The following PLXNA4 variants were observed in gnomAD, a reference collection of about 807,000 sequenced individuals.
The protein encoded by PLXNA4 is plexin-A4.
PLXNA4 carries 44 observed loss-of-function variants against 191.8 expected under a neutral mutation model. The observed-to-expected ratio is 0.23, with a 90% confidence interval of 0.18 to 0.29. The LOEUF (loss-of-function observed/expected upper bound fraction) is 0.29, where lower values mean the gene tolerates loss of function less well. PLXNA4 is among the 10% of genes least tolerant of loss of function. PLXNA4 has a pLI of 1.00. For missense variants in PLXNA4, 1,800 were observed against 2,488.8 expected (o/e 0.72, Z 5.89); for synonymous variants, 1,082 against 1,009.5 (o/e 1.07, Z -1.36).
At chr7:132,283,275 C>G (rs564246136) in intron 4 of PLXNA4, among the ~76,000 whole-genome samples, 1 of 152,278 alleles carries the variant, frequency 6.6e-6, no homozygotes, top group South Asian at 2.1e-4. Flanking sequence ...TACATGAATT[C>G]CTGTTGAGAA....
chr7:132,511,150 C>A (rs965241587), intron 1 of PLXNA4, among the ~76,000 whole-genome samples: 6 of 152,266 alleles, frequency 3.9e-5, no homozygotes, highest in Middle Eastern at 3.4e-3. Flanking sequence ...TCTTGACTGG[C>A]AGAAAGAGGG....
chr7:132,156,131 G>GAC (rs1224544237), intron 25 of PLXNA4, among the ~76,000 whole-genome samples: 13 of 74,564 alleles, frequency 1.7e-4, no homozygotes, highest in East Asian at 1.3e-3. Flanking sequence ...TCTGTTTCTG[G>GAC]ACATACACAC....
At position 132,288,217 on chromosome 7, in the gene PLXNA4, G is replaced by T. The variant is rs1009779521; in HGVS notation, c.1503+9874C>A. 3.4e-4 allele frequency among the ~76,000 whole-genome samples: 51 copies of T among 152,174 alleles called. 2 individuals are homozygous for T. The highest frequency in any genetic ancestry group is 1.2e-3 in the African/African-American group (51 of 41,448). ...ACACTGATCACAAAGTGCAGTAGGA[G>T]CGTGTTGCGCCAGATAAGCCAGTAG... On this transcript the variant is annotated intron_variant, in intron 4 of 31. Coordinates refer to ENST00000321063, the MANE Select transcript of PLXNA4 (RefSeq NM_020911.2).
chr7:132,522,331 A>G (rs905578296), intron 1 of PLXNA4, among the ~76,000 whole-genome samples: 4 of 152,182 alleles, frequency 2.6e-5, no homozygotes, highest in African/African-American at 7.2e-5. Context: ...GGCTCCAAAC[A>G]TATATGACCA....
intron 1 of PLXNA4, among the ~76,000 whole-genome samples, chr7:132,569,794 G>C (rs1475810508): frequency 1.3e-5 from 2 of 152,176 alleles, no homozygotes; most frequent in Non-Finnish European, 1.5e-5. Context: ...GACAGGATAG[G>C]CTCTGAAGAA....
At chr7:132,314,044 T>G (rs920068052) in intron 3 of PLXNA4, among the ~76,000 whole-genome samples, 1 of 152,154 alleles carries the variant, frequency 6.6e-6, no homozygotes, top group East Asian at 1.9e-4. Flanking sequence ...ATAGGCTCCA[T>G]GCATGACCCA....
At chr7:132,363,788 T>C (rs778403589) in intron 3 of PLXNA4, among the ~76,000 whole-genome samples, 3 of 152,262 alleles carry the variant, frequency 2.0e-5, no homozygotes, top group Admixed American at 1.3e-4. Context: ...TGTTCTTACA[T>C]TTCAATTAGT....
At chr7:132,602,520 A>C (rs1398837592) in intron 2 of PLXNA4, among the ~76,000 whole-genome samples, 1 of 152,244 alleles carries the variant, frequency 6.6e-6, no homozygotes, top group Non-Finnish European at 1.5e-5. Flanking sequence ...CCTGATTTAC[A>C]TTAAAAAATA....
chr7:132,400,210 C>T (rs1470105932), intron 3 of PLXNA4, among the ~76,000 whole-genome samples: 2 of 152,242 alleles, frequency 1.3e-5, no homozygotes, highest in Admixed American at 6.5e-5. Context: ...ATGATCCATA[C>T]GTGTTTCTTA....
chr7:132,145,331 G>A, intron 28 of PLXNA4, 43 bp from the exon 29 acceptor site: 1 of 1,608,792 alleles, frequency 6.2e-7, no homozygotes, highest in Admixed American at 1.7e-5. Context: ...GACTCACGTA[G>A]TTCTGAGGAT....
At chr7:132,400,693 C>G (rs1356917996) in intron 3 of PLXNA4, among the ~76,000 whole-genome samples, 1 of 152,166 alleles carries the variant, frequency 6.6e-6, no homozygotes, top group African/African-American at 2.4e-5. Flanking sequence ...TTCCTAGCCT[C>G]ACCAGCGTTT....
rs536263407 is a variant in PLXNA4 at position 132,155,841 on chromosome 7, T to C, written c.4660+3632A>G. Among the ~76,000 whole-genome samples the C allele has an allele frequency of 2.0e-5, 3 of 152,306 alleles. No individual in the cohort carries two copies. The East Asian group carries it at 5.8e-4, about 29-fold the overall frequency. On this transcript the variant is annotated intron_variant, in intron 25 of 31. Coordinates refer to ENST00000321063, the MANE Select transcript of PLXNA4 (RefSeq NM_020911.2). ...TTCGATATGTTTCTGTGAGGGTGTC[T>C]TTCTATGAAATTAACATTTATATCA...
chr7:132,503,942 G>A (rs779671485), intron 2 of PLXNA4, among the ~76,000 whole-genome samples: 1 of 152,224 alleles, frequency 6.6e-6, no homozygotes, highest in Non-Finnish European at 1.5e-5. Context: ...ATGGCTCAGA[G>A]GGTGAAGGCG....
intron 3 of PLXNA4, among the ~76,000 whole-genome samples, chr7:132,462,836 A>ATTTTTT (rs57607720): frequency 1.0e-4 from 9 of 88,946 alleles, no homozygotes; most frequent in East Asian, 6.5e-4. Flanking sequence ...CATTTCTATA[A>ATTTTTT]TTTTTTTTTT....
At chr7:132,132,671 T>A (rs1464147790) in intron 31 of PLXNA4, among the ~76,000 whole-genome samples, 1 of 151,956 alleles carries the variant, frequency 6.6e-6, no homozygotes, top group East Asian at 1.9e-4. Context: ...TACCATATCA[T>A]ACCATACAAT....
chr7:132,560,986 G>A (rs1437233157), intron 1 of PLXNA4, among the ~76,000 whole-genome samples: 2 of 152,150 alleles, frequency 1.3e-5, no homozygotes, highest in Non-Finnish European at 2.9e-5. Context: ...GCTGAACCTT[G>A]CTACAGTACA....
At chr7:132,327,916 T>C (rs1802434997) in intron 3 of PLXNA4, among the ~76,000 whole-genome samples, 1 of 152,246 alleles carries the variant, frequency 6.6e-6, no homozygotes, top group Non-Finnish European at 1.5e-5. Context: ...TCCTTCCCAC[T>C]GGTCCCTGAG....
intron 9 of PLXNA4, among the ~76,000 whole-genome samples, chr7:132,217,897 CTTTTTTTTT>C (rs138576612): frequency 2.1e-4 from 9 of 43,436 alleles, no homozygotes; most frequent in East Asian, 1.2e-3. Flanking sequence ...GCTGGATTTG[CTTTTTTTTT>C]TTTTTTTTTT....
chr7:132,133,207 G>C lies in PLXNA4; in HGVS notation c.5439-8C>G. On this transcript the variant is annotated splice_region_variant and splice_polypyrimidine_tract_variant and intron_variant, in intron 30 of 31. Coordinates refer to ENST00000321063, the MANE Select transcript of PLXNA4 (RefSeq NM_020911.2). ...CCTATGTCTGAGTAATACCTGTGGAGGGATGGAAATAGGGAGAAGCTGAAG... is the reference window on the plus strand; with the variant it reads ...CCTATGTCTGAGTAATACCTGTGGACGGATGGAAATAGGGAGAAGCTGAAG... 6.2e-7 allele frequency: 1 copy of C among 1,613,854 alleles called. No individual in the cohort carries two copies. The highest frequency in any genetic ancestry group is 8.5e-7 in the Non-Finnish European group (1 of 1,179,894).
Sources: allele counts gnomAD v4.1 joint callset (sites outside exome capture counted in the v4.1 genomes callset), GRCh38; gene constraint gnomAD v4.1.1; transcripts MANE v1.5; gene names NCBI Gene and HGNC (gene_info 2026-07-23, HGNC 2026-07-21).